Variants in TNS1 observed in about 807,000 individuals in gnomAD.
The protein encoded by TNS1 is tensin-1.
A neutral mutation model predicts 168.6 loss-of-function variants in TNS1; 62 were observed. The observed-to-expected ratio is 0.37, with a 90% CI of 0.30 to 0.45. The LOEUF is 0.45. TNS1 is among the 20% of genes least tolerant of loss of function. TNS1 has a pLI of 1.00. For synonymous variants in TNS1, 934 were observed against 933.2 expected, an observed-to-expected ratio of 1.00 and a Z score of -0.02; for missense variants, 2,240 against 2,339.4, an observed-to-expected ratio of 0.96 and a Z score of 0.88.
intron 18 of TNS1, chr2:217,850,052 T>A: frequency 1.0e-6 from 1 of 985,300 alleles, no homozygotes; most frequent in Non-Finnish European, 1.2e-6. Flanking sequence ...CACTGCCCAC[T>A]CCTGATGGAC....
chr2:217,916,898 C>T (rs539405153), intron 4 of TNS1, among the ~76,000 whole-genome samples: 1 of 152,278 alleles, frequency 6.6e-6, no homozygotes, highest in East Asian at 1.9e-4. Flanking sequence ...ACAGACACAC[C>T]ATGAGGGACA....
intron 3 of TNS1, among the ~76,000 whole-genome samples, chr2:217,962,701 C>G (rs1460937435): frequency 6.6e-6 from 1 of 152,002 alleles, no homozygotes; most frequent in Non-Finnish European, 1.5e-5. Context: ...TCAAACACAC[C>G]CAAATTGAGG....
At chr2:217,981,306 G>A (rs1381717982) in intron 2 of TNS1, among the ~76,000 whole-genome samples, 2 of 152,232 alleles carry the variant, frequency 1.3e-5, no homozygotes, top group African/African-American at 4.8e-5. Flanking sequence ...TGCATGGCTT[G>A]GTAGGCAAAG....
chr2:218,009,122 C>T (rs1958683901), intron 1 of TNS1, among the ~76,000 whole-genome samples: 1 of 152,170 alleles, frequency 6.6e-6, no homozygotes, highest in Non-Finnish European at 1.5e-5. Context: ...GACTCTTAAC[C>T]AGAATGGTGG....
At chr2:217,925,250 C>A (rs1955956248) in intron 3 of TNS1, among the ~76,000 whole-genome samples, 1 of 152,252 alleles carries the variant, frequency 6.6e-6, no homozygotes, top group African/African-American at 2.4e-5. Context: ...GGACTCCAGG[C>A]ATTTTTATGG....
chr2:217,928,987 C>T (rs1956176472), intron 3 of TNS1, among the ~76,000 whole-genome samples: 1 of 152,202 alleles, frequency 6.6e-6, no homozygotes, highest in Non-Finnish European at 1.5e-5. Flanking sequence ...AACAACCAGA[C>T]CTGAACGAGG....
intron 18 of TNS1, chr2:217,858,561 A>C: frequency 2.0e-6 from 2 of 986,178 alleles, no homozygotes; most frequent in South Asian, 4.7e-5. Context: ...TGGTGCCCCA[A>C]GTTCCCAATA....
chr2:218,003,502 G>GA (rs1416151885), upstream of TNS1, among the ~76,000 whole-genome samples: 1 of 151,628 alleles, frequency 6.6e-6, no homozygotes, highest in East Asian at 2.0e-4. Flanking sequence ...GACAGACTCT[G>GA]GTGCCCACGC....
At chr2:217,811,938 C>T (rs1037603406) in intron 28 of TNS1, among the ~76,000 whole-genome samples, 3 of 152,186 alleles carry the variant, frequency 2.0e-5, no homozygotes, top group Admixed American at 2.0e-4. Context: ...TAGGCACCGC[C>T]TTCTCTTTCC....
intron 22 of TNS1, 34 bp downstream of exon 22, chr2:217,831,421 G>T (rs1559188745): frequency 6.5e-7 from 1 of 1,527,482 alleles, no homozygotes; most frequent in Non-Finnish European, 8.8e-7. Flanking sequence ...CCTCCCCCTG[G>T]CCCCCCTCCC....
Position 217,810,213 on chromosome 2 carries a change from C to G in TNS1, c.5104+35G>C, listed in dbSNP as rs201897637. ...CAGGGCAGGAAGGCAGAAAGAGAGGCCTGGGCATGGGTACAGTTTCAGGTG... is the reference window on the plus strand; with the variant it reads ...CAGGGCAGGAAGGCAGAAAGAGAGGGCTGGGCATGGGTACAGTTTCAGGTG... On this transcript the variant is annotated intron_variant, in intron 29 of 32. Coordinates refer to ENST00000682258, the MANE Select transcript of TNS1 (RefSeq NM_001387777.1). 3 of 1,611,026 alleles carry G rather than the reference C, an allele frequency of 1.9e-6. No homozygotes were observed. In the South Asian group the frequency reaches 3.3e-5, roughly 18 times the overall value.
At chr2:217,998,681 G>A (rs563339391) in intron 1 of TNS1, among the ~76,000 whole-genome samples, 13 of 152,218 alleles carry the variant, frequency 8.5e-5, no homozygotes, top group East Asian at 3.9e-4. Context: ...TTTATTTTTC[G>A]TACAGACATG....
At chr2:217,956,323 T>G (rs979886052) in intron 3 of TNS1, among the ~76,000 whole-genome samples, 1 of 152,066 alleles carries the variant, frequency 6.6e-6, no homozygotes, top group Non-Finnish European at 1.5e-5. Flanking sequence ...CTTTGGGCTA[T>G]GGATCAGGGT....
At chr2:217,881,037 C>T (rs760999364) in intron 17 of TNS1, 23 bp from the exon 18 acceptor site, 26 of 1,548,968 alleles carry the variant, frequency 1.7e-5, no homozygotes, top group Middle Eastern at 3.4e-4. Flanking sequence ...GGAAAGGCAG[C>T]GGCAGTCGGG....
At chr2:217,810,921 A>G (rs1940763178) in intron 28 of TNS1, among the ~76,000 whole-genome samples, 1 of 149,502 alleles carries the variant, frequency 6.7e-6, no homozygotes, top group Admixed American at 6.7e-5. Flanking sequence ...TCTGTCACCC[A>G]GGCTGGAGTG....
At chr2:217,811,520 A>G (rs777352245) in intron 28 of TNS1, among the ~76,000 whole-genome samples, 4 of 152,186 alleles carry the variant, frequency 2.6e-5, no homozygotes, top group Non-Finnish European at 5.9e-5. Flanking sequence ...CTAGAAAAAA[A>G]TCCTAGGGCC....
intron 1 of TNS1, among the ~76,000 whole-genome samples, chr2:218,000,218 A>G (rs1958537062): frequency 6.6e-6 from 1 of 152,250 alleles, no homozygotes; most frequent in African/African-American, 2.4e-5. Context: ...TGTTAAAACT[A>G]TGCACTACAG....
At chr2:217,979,310 C>G (rs1957980144) in intron 2 of TNS1, among the ~76,000 whole-genome samples, 1 of 152,102 alleles carries the variant, frequency 6.6e-6, no homozygotes, top group Non-Finnish European at 1.5e-5. Context: ...CCCACACCCA[C>G]ACACTCACCC....
intron 6 of TNS1, among the ~76,000 whole-genome samples, chr2:217,905,967 A>C (rs1953632566): frequency 6.6e-6 from 1 of 152,192 alleles, no homozygotes; most frequent in Admixed American, 6.5e-5. Flanking sequence ...CCAAGGACTA[A>C]GACCCCCCGC....
Sources: allele counts gnomAD v4.1 joint callset (sites outside exome capture counted in the v4.1 genomes callset), GRCh38; gene constraint gnomAD v4.1.1; transcripts MANE v1.5; gene names NCBI Gene and HGNC (gene_info 2026-07-23, HGNC 2026-07-21).